COL11A1: variants seen among roughly 807,000 people sequenced by gnomAD.
COL11A1 encodes collagen alpha-1(XI) chain.
A neutral mutation model predicts 265.2 loss-of-function variants in COL11A1; 74 were observed. The ratio of observed to expected loss-of-function variants is 0.28; its 90% CI spans 0.23 to 0.34. The LOEUF (loss-of-function observed/expected upper bound fraction) is 0.34, where lower values mean the gene tolerates loss of function less well. COL11A1 is among the 10% of genes least tolerant of loss of function. COL11A1 has a pLI of 1.00. For synonymous variants in COL11A1, 816 were observed against 727.6 expected (o/e 1.12, Z -1.96); for missense variants, 2,165 against 2,263.6 (o/e 0.96, Z 0.88).
At position 102,979,147 on chromosome 1, in the gene COL11A1, A is replaced by T. The variant is rs763276539; in HGVS notation, c.2611-43T>A. 3.8e-6 allele frequency: 6 copies of T among 1,567,462 alleles called. No individual in the cohort carries two copies. In the South Asian group the frequency reaches 6.7e-5, roughly 17 times the overall value. On this transcript the variant is annotated intron_variant, in intron 32 of 66. Coordinates refer to ENST00000370096, the MANE Select transcript of COL11A1 (RefSeq NM_001854.4). The stretch of plus-strand genomic sequence containing the variant: ...ATTTCAATATGCAGTATATCACAGT[A>T]AATTATGAGCCTGGTGCTGAGACTG...
intron 8 of COL11A1, among the ~76,000 whole-genome samples, chr1:103,022,073 T>C (rs1306193052): frequency 6.6e-6 from 1 of 151,232 alleles, no homozygotes; most frequent in Non-Finnish European, 1.5e-5. Context: ...CCAAGCTGGT[T>C]TAGAATGCCT....
chr1:102,879,627 C>T (rs572496208), intron 66 of COL11A1, 56 bp downstream of exon 66: 43 of 1,503,616 alleles, frequency 2.9e-5, no homozygotes, highest in East Asian at 1.4e-4. Context: ...CCGACTGAAA[C>T]GGTGACATGC....
At chr1:102,946,986 AT>A (rs1438895159) in intron 41 of COL11A1, 30 bp from the exon 42 acceptor site, 1 of 1,555,644 alleles carries the variant, frequency 6.4e-7, no homozygotes, top group Admixed American at 1.8e-5. Flanking sequence ...GTATTTTGTT[AT>A]TAAAGAAAGT....
In COL11A1 at chr1:102,968,442, T is replaced by C. The variant is rs1439289480; in HGVS notation, c.2862+1777A>G. 4.6e-5 allele frequency among the ~76,000 whole-genome samples: 7 copies of C among 152,346 alleles called. No individual in the cohort carries two copies. In the East Asian group the frequency reaches 1.2e-3, roughly 25 times the overall value. ...TAAGGCCACCAGGAAAAATTGGGAA[T>C]AGTTTCTATTATACTGAAACAACCC... On this transcript the variant is annotated intron_variant, in intron 37 of 66. Transcript: ENST00000370096.
intron 3 of COL11A1, among the ~76,000 whole-genome samples, chr1:103,076,976 C>T (rs1182396010): frequency 2.6e-5 from 4 of 152,048 alleles, no homozygotes; most frequent in African/African-American, 9.7e-5. Context: ...ATTATTATGG[C>T]AGTTGAGCTC....
At position 102,898,949 on chromosome 1, in the gene COL11A1, C is replaced by CT; in HGVS notation, c.4131dup (p.Gly1378ArgfsTer3). 6.6e-7 allele frequency: 1 copy of CT among 1,513,664 alleles called. No individual in the cohort carries two copies. Among genetic ancestry groups the CT allele is most frequent in the Non-Finnish European group, 9.0e-7 (1 of 1,116,704 alleles). 93.8% of individuals were successfully genotyped at this position (1,513,664 alleles called of 1,614,324 possible). On this transcript the variant is annotated frameshift_variant, in exon 55 of 67. Coordinates refer to ENST00000370096, the MANE Select transcript of COL11A1 (RefSeq NM_001854.4). LOFTEE classifies it high-confidence loss of function. ...TATTATTTTTTTTTTACCTTAGCAC[C>CT]TTTTTCACCTTGTCTTCCCTCTGCA...
chr1:102,895,973 A>C (rs72683260), intron 57 of COL11A1, among the ~76,000 whole-genome samples: 5,841 of 151,952 alleles, frequency 0.038, 159 homozygotes, highest in Non-Finnish European at 0.062. Context: ...CACTAAGAAT[A>C]TAAAATTGAT....
intron 1 of COL11A1, among the ~76,000 whole-genome samples, chr1:103,106,651 A>G (rs1325216576): frequency 6.6e-6 from 1 of 152,212 alleles, no homozygotes; most frequent in Non-Finnish European, 1.5e-5. Flanking sequence ...AATCAACATA[A>G]TTAATCAACA....
At chr1:103,089,052 A>AT (rs1028374991) in intron 1 of COL11A1, among the ~76,000 whole-genome samples, 9 of 152,210 alleles carry the variant, frequency 5.9e-5, no homozygotes, top group South Asian at 2.1e-4. Context: ...TTATCTGTAG[A>AT]TTTTTTCCAG....
At chr1:103,050,887 G>T (rs951044002) in intron 4 of COL11A1, among the ~76,000 whole-genome samples, 4 of 152,172 alleles carry the variant, frequency 2.6e-5, no homozygotes, top group Admixed American at 2.6e-4. Flanking sequence ...GTTTGCCTGG[G>T]TATCAGCAGC....
intron 63 of COL11A1, among the ~76,000 whole-genome samples, chr1:102,884,093 T>C (rs1650629809): frequency 6.6e-6 from 1 of 152,164 alleles, no homozygotes; most frequent in African/African-American, 2.4e-5. Flanking sequence ...TTACTTTGCT[T>C]CCTTCTGTTG....
In COL11A1 at chr1:103,037,806, T is replaced by A. The variant is rs540750560; in HGVS notation, c.652-6562A>T. On this transcript the variant is annotated intron_variant, in intron 4 of 66. Transcript: ENST00000370096. ...AAGTTTTTTATTCTAAGAGAGCAAT[T>A]TTTTGTAAGATCTGGAAAATAACAC... Among the ~76,000 whole-genome samples the A allele has an allele frequency of 2.0e-5, 3 of 152,280 alleles. No homozygotes were observed. The South Asian group carries it at 6.2e-4, about 32-fold the overall frequency.
At chr1:103,012,998 T>C (rs1411539220) in intron 13 of COL11A1, among the ~76,000 whole-genome samples, 1 of 152,130 alleles carries the variant, frequency 6.6e-6, no homozygotes, top group African/African-American at 2.4e-5. Context: ...TGTATAATCA[T>C]ACGCATAATA....
intron 6 of COL11A1, chr1:103,025,961 T>C (rs374789700): frequency 6.2e-7 from 1 of 1,609,498 alleles, no homozygotes; most frequent in South Asian, 1.1e-5. Flanking sequence ...TTCTGTAAAA[T>C]GTGGTGAAAG....
intron 3 of COL11A1, among the ~76,000 whole-genome samples, chr1:103,077,003 T>G (rs1267797117): frequency 6.6e-6 from 1 of 152,128 alleles, no homozygotes; most frequent in Admixed American, 6.6e-5. Context: ...TATGTCACTT[T>G]TTAACTGTCT....
At chr1:103,106,404 C>T (rs543749132) in intron 1 of COL11A1, among the ~76,000 whole-genome samples, 90 of 152,142 alleles carry the variant, frequency 5.9e-4, no homozygotes, top group Admixed American at 1.8e-3. Flanking sequence ...ATCCATTTTT[C>T]CTTAATCAAA....
chr1:103,000,261 C>T (rs1185695343), intron 24 of COL11A1, among the ~76,000 whole-genome samples: 1 of 151,804 alleles, frequency 6.6e-6, no homozygotes, highest in East Asian at 1.9e-4. Context: ...ATTAAACTCC[C>T]TGATCTAAAT....
chr1:103,047,975 CT>C (rs1284758413), intron 4 of COL11A1, among the ~76,000 whole-genome samples: 1 of 152,126 alleles, frequency 6.6e-6, no homozygotes, highest in Non-Finnish European at 1.5e-5. Context: ...GGTGGATAAG[CT>C]TTTTTATGTG....
rs532402823 is a variant in COL11A1 at position 103,039,882 on chromosome 1, G to A, written c.652-8638C>T. On this transcript the variant is annotated intron_variant, in intron 4 of 66. Coordinates refer to ENST00000370096, the MANE Select transcript of COL11A1 (RefSeq NM_001854.4). ...TATATCCAGGGTCCGGTATTAAGTA[G>A]ATGCTGTAGAAATATTGGCTGATTT... Among the ~76,000 whole-genome samples, 9 of 152,178 alleles carry A rather than the reference G, an allele frequency of 5.9e-5. No individual in the cohort carries two copies. The South Asian group carries it at 1.9e-3, about 32-fold the overall frequency.
Sources: gnomAD v4.1 joint callset for allele counts (sites outside exome capture counted in the v4.1 genomes callset) on GRCh38, gnomAD v4.1.1 for gene constraint, MANE v1.5 for transcripts, NCBI Gene and HGNC (gene_info 2026-07-23, HGNC 2026-07-21) for gene names.